EYA4: variants seen among roughly 807,000 people sequenced by gnomAD.
EYA4 encodes the protein protein phosphatase EYA4.
A neutral mutation model predicts 87.9 loss-of-function variants in EYA4; 31 were observed. The ratio of observed to expected loss-of-function variants is 0.35; its 90% CI spans 0.27 to 0.48. The LOEUF is 0.48. Among genes scored for constraint, EYA4 ranks in the 20% least tolerant of loss-of-function variants. The probability of loss-of-function intolerance (pLI) is 0.99; values close to 1 mark genes in which losing one functional copy is unlikely to be tolerated. For missense variants in EYA4, 678 were observed against 761.4 expected, an observed-to-expected ratio of 0.89 and a Z score of 1.29; for synonymous variants, 263 against 270.6, an observed-to-expected ratio of 0.97 and a Z score of 0.28.
At chr6:133,296,829 A>G (rs79463091) in intron 2 of EYA4, among the ~76,000 whole-genome samples, 119 of 152,214 alleles carry the variant, frequency 7.8e-4, no homozygotes, top group African/African-American at 2.7e-3. Context: ...AGGTTTACCA[A>G]TCGTCTTGTT....
intron 11 of EYA4, 95 bp from the exon 12 acceptor site, chr6:133,481,368 A>G (rs1796203299): frequency 7.3e-6 from 9 of 1,232,198 alleles, no homozygotes; most frequent in Non-Finnish European, 9.5e-6. Flanking sequence ...GGAGGTTTCT[A>G]TTGTATAGGA....
chr6:133,522,249 T>C (rs1261174988), intron 17 of EYA4, among the ~76,000 whole-genome samples: 3 of 91,456 alleles, frequency 3.3e-5, no homozygotes, highest in Non-Finnish European at 6.9e-5. Context: ...TGTATACGTG[T>C]GCCATGTTGG....
chr6:133,335,602 T>C (rs1173843352), intron 2 of EYA4, among the ~76,000 whole-genome samples: 1 of 152,170 alleles, frequency 6.6e-6, no homozygotes, highest in African/African-American at 2.4e-5. Context: ...ATGGTTTCTC[T>C]GAGGAAGGGA....
chr6:133,475,903 C>A (rs915828861), intron 11 of EYA4, among the ~76,000 whole-genome samples: 3 of 152,156 alleles, frequency 2.0e-5, no homozygotes, highest in Non-Finnish European at 4.4e-5. Flanking sequence ...CCAGATGTAT[C>A]GCATGGCCTC....
chr6:133,375,733 A>T (rs993341780), intron 2 of EYA4, among the ~76,000 whole-genome samples: 1 of 151,948 alleles, frequency 6.6e-6, no homozygotes. Flanking sequence ...ATAATTATTT[A>T]AAATACTTTT....
At chr6:133,402,800 G>A (rs1435796185) in intron 3 of EYA4, among the ~76,000 whole-genome samples, 17 of 152,132 alleles carry the variant, frequency 1.1e-4, no homozygotes, top group Non-Finnish European at 2.5e-4. Flanking sequence ...ATTTGCAAAT[G>A]TAGTAAATTC....
At chr6:133,504,413 A>T (rs543979936) in intron 13 of EYA4, among the ~76,000 whole-genome samples, 1 of 152,334 alleles carries the variant, frequency 6.6e-6, no homozygotes, top group East Asian at 1.9e-4. Flanking sequence ...CATTACTGAG[A>T]AATGAGAATC....
At chr6:133,396,728 G>T (rs1160370449) in intron 3 of EYA4, among the ~76,000 whole-genome samples, 2 of 152,146 alleles carry the variant, frequency 1.3e-5, no homozygotes, top group Non-Finnish European at 2.9e-5. Flanking sequence ...GTGTCTGTGT[G>T]TATATGTGCA....
At chr6:133,410,800 A>G (rs1245579401) in intron 3 of EYA4, among the ~76,000 whole-genome samples, 2 of 151,408 alleles carry the variant, frequency 1.3e-5, no homozygotes, top group Non-Finnish European at 1.5e-5. Flanking sequence ...TTAAATTATT[A>G]CCCTCAGGTG....
intron 2 of EYA4, among the ~76,000 whole-genome samples, chr6:133,311,612 C>G (rs1780223198): frequency 6.6e-6 from 1 of 151,202 alleles, no homozygotes. Context: ...AGCCACTGCA[C>G]CCGGCTTAAA....
At chr6:133,512,590 G>A in intron 14 of EYA4, 131 bp from the exon 15 acceptor site, 1 of 761,994 alleles carries the variant, frequency 1.3e-6, no homozygotes, top group Non-Finnish European at 2.4e-6. Flanking sequence ...CAAGAGTGAG[G>A]CAATGAGATG....
At chr6:133,527,397 G>A (rs778067386) in intron 19 of EYA4, among the ~76,000 whole-genome samples, 3 of 152,122 alleles carry the variant, frequency 2.0e-5, no homozygotes, top group Admixed American at 1.3e-4. Flanking sequence ...GTCTAGCTGC[G>A]CTCTTCCATA....
intron 2 of EYA4, among the ~76,000 whole-genome samples, chr6:133,339,577 G>T (rs1425298446): frequency 6.6e-6 from 1 of 152,182 alleles, no homozygotes; most frequent in Non-Finnish European, 1.5e-5. Flanking sequence ...AGTTATACTT[G>T]CTTATTGGAA....
At chr6:133,300,250 CG>C (rs1393778862) in intron 2 of EYA4, among the ~76,000 whole-genome samples, 2 of 151,496 alleles carry the variant, frequency 1.3e-5, no homozygotes, top group Admixed American at 6.6e-5. Flanking sequence ...CTTGCTGTCT[CG>C]GGGATGGCAG....
intron 1 of EYA4, among the ~76,000 whole-genome samples, chr6:133,249,391 C>G (rs902240071): frequency 6.6e-6 from 1 of 152,214 alleles, no homozygotes; most frequent in Non-Finnish European, 1.5e-5. Context: ...GTCTCTAACA[C>G]TCTCTCACGT....
Position 133,529,526 on chromosome 6 carries a change from AAAAAC to A in EYA4, c.*726_*730del. 1 of 983,206 alleles carries A rather than the reference AAAAAC, an allele frequency of 1.0e-6. No individual in the cohort carries two copies. Among genetic ancestry groups the A allele is most frequent in the Non-Finnish European group, 1.2e-6 (1 of 827,820 alleles). The allele number at this position is 983,206 out of a possible 1,614,324, so 60.9% of individuals were successfully genotyped here. ...GTTAAAATCTCTGTAGATAATGAAAAAAAACAAAAAAAAAAACCTTTGTGATGATT... is the reference window on the plus strand; with the variant it reads ...GTTAAAATCTCTGTAGATAATGAAAAAAAAAAAAAAACCTTTGTGATGATT... On this transcript the variant is annotated 3_prime_UTR_variant, in exon 20 of 20. Coordinates refer to ENST00000355286, the MANE Select transcript of EYA4 (RefSeq NM_004100.5).
At chr6:133,272,193 T>TG (rs1776750939) in intron 1 of EYA4, among the ~76,000 whole-genome samples, 1 of 152,328 alleles carries the variant, frequency 6.6e-6, no homozygotes, top group Middle Eastern at 3.4e-3. Context: ...CTGTCCACTT[T>TG]AGAGGGGTGC....
At chr6:133,272,770 C>A (rs899512985) in intron 1 of EYA4, among the ~76,000 whole-genome samples, 2 of 152,166 alleles carry the variant, frequency 1.3e-5, no homozygotes, top group African/African-American at 4.8e-5. Context: ...TGCACAGCAG[C>A]CTGGACCTGT....
chr6:133,466,516 C>A (rs1794856736), intron 10 of EYA4, among the ~76,000 whole-genome samples: 1 of 152,042 alleles, frequency 6.6e-6, no homozygotes, highest in Non-Finnish European at 1.5e-5. Context: ...GAGCTTACAG[C>A]CTACTGGGAC....
Sources: allele counts gnomAD v4.1 joint callset (sites outside exome capture counted in the v4.1 genomes callset), GRCh38; gene constraint gnomAD v4.1.1; transcripts MANE v1.5; gene names NCBI Gene and HGNC (gene_info 2026-07-23, HGNC 2026-07-21).